The following RFX4 variants were observed in gnomAD, a reference collection of about 807,000 sequenced individuals.
RFX4 encodes transcription factor RFX4.
A neutral mutation model predicts 95.0 loss-of-function variants in RFX4; 10 were observed. The observed-to-expected ratio is 0.11, with a 90% CI of 0.06 to 0.18. RFX4 has a LOEUF of 0.18. RFX4 is among the 10% of genes least tolerant of loss of function. The pLI is 1.00. For synonymous variants in RFX4, 321 were observed against 340.7 expected (o/e 0.94, Z 0.64); for missense variants, 640 against 922.0 (o/e 0.69, Z 3.96).
chr12:106,728,768 ATAATCTTAATGATTAATTTCTGCTTAG>A (rs2042554156), intron 13 of RFX4, among the ~76,000 whole-genome samples: 1 of 152,164 alleles, frequency 6.6e-6, no homozygotes, highest in Admixed American at 6.5e-5. Flanking sequence ...TTACTGCCCA[ATAATCTTAATGATTAATTTCTGCTTAG>A]TAAGAACACT....
At chr12:106,704,200 T>C (rs988079919) in intron 8 of RFX4, among the ~76,000 whole-genome samples, 1 of 152,136 alleles carries the variant, frequency 6.6e-6, no homozygotes, top group Non-Finnish European at 1.5e-5. Flanking sequence ...CAAATGTTGA[T>C]TGATTACTAC....
At chr12:106,745,442 T>G (rs1432393762) in intron 15 of RFX4, among the ~76,000 whole-genome samples, 1 of 152,252 alleles carries the variant, frequency 6.6e-6, no homozygotes, top group Non-Finnish European at 1.5e-5. Context: ...ACCAAAGGGT[T>G]CTTTTAACAA....
chr12:106,620,582 T>C (rs1331690696), intron 2 of RFX4, among the ~76,000 whole-genome samples: 1 of 151,628 alleles, frequency 6.6e-6, no homozygotes, highest in African/African-American at 2.4e-5. Context: ...CCAACAAAGA[T>C]CACAAGGCAA....
intron 15 of RFX4, among the ~76,000 whole-genome samples, chr12:106,737,170 T>G (rs1218966449): frequency 9.4e-5 from 7 of 74,192 alleles, no homozygotes; most frequent in Non-Finnish European, 1.0e-4. Context: ...AAGTTTTTTT[T>G]TTTTTTTTTT....
intron 1 of RFX4, among the ~76,000 whole-genome samples, chr12:106,583,965 G>A (rs1345466149): frequency 6.6e-6 from 1 of 152,194 alleles, no homozygotes; most frequent in African/African-American, 2.4e-5. Context: ...TGTGGGGTCG[G>A]GCTTTTAGCT....
chr12:106,599,712 T>A (rs546840502), intron 1 of RFX4, among the ~76,000 whole-genome samples: 3 of 152,110 alleles, frequency 2.0e-5, no homozygotes, highest in Admixed American at 6.6e-5. Flanking sequence ...TCTTTTTTTT[T>A]AAACAAATTA....
intron 1 of RFX4, among the ~76,000 whole-genome samples, chr12:106,597,187 T>C (rs1346288064): frequency 6.6e-6 from 1 of 152,144 alleles, no homozygotes; most frequent in Non-Finnish European, 1.5e-5. Context: ...TAAAGTACAA[T>C]CAGCACTTAA....
At chr12:106,674,647 T>G (rs2041356731) in intron 4 of RFX4, among the ~76,000 whole-genome samples, 1 of 152,160 alleles carries the variant, frequency 6.6e-6, no homozygotes, top group Admixed American at 6.5e-5. Flanking sequence ...CCATTTTCTT[T>G]ATTCCCCTCA....
Position 106,761,694 on chromosome 12 carries a change from GCCAAGCCAGACTTGACT to G in RFX4, c.*226_*242del. ...AAGTCAGTGGGACTGGGTTTCTGTA[GCCAAGCCAGACTTGACT>G]GTTTCTGTAGAGCACTATCTCGGGC... On this transcript the variant is annotated 3_prime_UTR_variant, in exon 18 of 18. Transcript: ENST00000392842. The G allele has an allele frequency of 4.8e-6, 1 of 207,548 alleles. No homozygotes were observed. The highest frequency in any genetic ancestry group is 9.2e-6 in the Non-Finnish European group (1 of 108,544). The allele number at this position is 207,548 out of a possible 1,614,324, so 12.9% of individuals were successfully genotyped here.
intron 11 of RFX4, among the ~76,000 whole-genome samples, chr12:106,717,212 G>A (rs2137518981): frequency 6.6e-6 from 1 of 152,172 alleles, no homozygotes; most frequent in African/African-American, 2.4e-5. Context: ...CACAGAGCAG[G>A]TGTCCAGCAA....
At chr12:106,696,081 T>A (rs969208274) in intron 7 of RFX4, among the ~76,000 whole-genome samples, 12 of 152,214 alleles carry the variant, frequency 7.9e-5, no homozygotes, top group African/African-American at 2.9e-4. Context: ...GTGTGCATGT[T>A]GCATGCCTAG....
intron 4 of RFX4, among the ~76,000 whole-genome samples, chr12:106,679,965 G>C (rs978967193): frequency 4.6e-5 from 7 of 152,172 alleles, no homozygotes; most frequent in Admixed American, 3.3e-4. Flanking sequence ...CACAATTTGA[G>C]AAGGACATAA....
intron 3 of RFX4, among the ~76,000 whole-genome samples, chr12:106,645,702 A>G (rs1204829075): frequency 2.0e-5 from 3 of 152,248 alleles, no homozygotes; most frequent in African/African-American, 7.2e-5. Context: ...AGACCAGATC[A>G]CAGCTGCTAG....
intron 2 of RFX4, among the ~76,000 whole-genome samples, chr12:106,619,808 A>G (rs1592857841): frequency 6.6e-6 from 1 of 151,998 alleles, no homozygotes; most frequent in Non-Finnish European, 1.5e-5. Flanking sequence ...TATTTTTTTA[A>G]TTGACCTGCC....
chr12:106,630,169 G>A (rs2040390813), intron 2 of RFX4, among the ~76,000 whole-genome samples: 1 of 152,076 alleles, frequency 6.6e-6, no homozygotes, highest in Non-Finnish European at 1.5e-5. Flanking sequence ...GTGGGCAGAT[G>A]AGACCATTGT....
chr12:106,742,062 G>A (rs188575044), intron 15 of RFX4, among the ~76,000 whole-genome samples: 1,679 of 152,260 alleles, frequency 0.011, 8 homozygotes, highest in Non-Finnish European at 0.016. Context: ...GGGACCCCTG[G>A]GTTAAAGGAT....
intron 3 of RFX4, among the ~76,000 whole-genome samples, chr12:106,652,808 G>A (rs1405677630): frequency 6.6e-6 from 1 of 152,188 alleles, no homozygotes; most frequent in Non-Finnish European, 1.5e-5. Context: ...TTGGGGGGCC[G>A]TGTCCTCATT....
chr12:106,708,463 G>C (rs965051555), intron 8 of RFX4, among the ~76,000 whole-genome samples: 5 of 152,044 alleles, frequency 3.3e-5, no homozygotes, highest in Admixed American at 2.6e-4. Flanking sequence ...AGAAAGGAAA[G>C]AGTCAGTGAC....
chr12:106,617,843 C>T (rs2040104272), intron 2 of RFX4, among the ~76,000 whole-genome samples: 1 of 152,186 alleles, frequency 6.6e-6, no homozygotes, highest in Non-Finnish European at 1.5e-5. Flanking sequence ...TCTCCTGCTT[C>T]AGCCTCCCAA....
Sources: allele counts gnomAD v4.1 joint callset (sites outside exome capture counted in the v4.1 genomes callset), GRCh38; gene constraint gnomAD v4.1.1; transcripts MANE v1.5; gene names NCBI Gene and HGNC (gene_info 2026-07-23, HGNC 2026-07-21).